RAD52: variants seen among roughly 807,000 people sequenced by gnomAD.
RAD52 encodes RAD52 DNA repair protein, also known as DNA repair protein RAD52 homolog.
A neutral mutation model predicts 55.5 loss-of-function variants in RAD52; 47 were observed. That is an observed-to-expected ratio of 0.85 (90% CI 0.67 to 1.08). RAD52 has a LOEUF of 1.08. Among genes scored for constraint, RAD52 ranks in the 50% least tolerant of loss-of-function variants. The pLI is 0.00. For synonymous variants in RAD52, 184 were observed against 198.9 expected, an observed-to-expected ratio of 0.92 and a Z score of 0.63; for missense variants, 468 against 522.8, an observed-to-expected ratio of 0.90 and a Z score of 1.02.
At chr12:966,102 G>T (rs1272203113) in intron 1 of RAD52, among the ~76,000 whole-genome samples, 1 of 151,940 alleles carries the variant, frequency 6.6e-6, no homozygotes, top group Non-Finnish European at 1.5e-5. Context: ...TCAGCCTCTG[G>T]ACGGGCATGT....
At chr12:930,290 G>A (rs962087089) in intron 3 of RAD52, 146 bp from the exon 4 acceptor site, 3 of 690,410 alleles carry the variant, frequency 4.3e-6, no homozygotes, top group East Asian at 2.7e-5. Flanking sequence ...GAGGTGGGAG[G>A]ATCACTTGAG....
chr12:947,205 A>G (rs2154119010), intron 1 of RAD52, among the ~76,000 whole-genome samples: 1 of 152,142 alleles, frequency 6.6e-6, no homozygotes. Flanking sequence ...GCACACCTGT[A>G]ATCCCAGCTA....
Position 916,740 on chromosome 12 carries a change from G to T in RAD52, c.624C>A (p.Cys208Ter). Residue 208 changes from cysteine to a stop codon, truncating the protein, a stop_gained, in exon 8 of 12, where the codon TGC becomes TGA. Coordinates refer to ENST00000358495, the MANE Select transcript of RAD52 (RefSeq NM_134424.4). LOFTEE classifies it high-confidence loss of function. ...GGTGTCCCAGGGCCATGTTCGGTCG[G>T]CAGCTGTTGTATCTTGCCTCCTCCA... is the stretch of plus-strand genomic sequence containing the variant. ...PSVEEARYNS[C>*]RPNMALGHPQ... 6.2e-7 allele frequency: 1 copy of T among 1,614,194 alleles called. No homozygotes were observed. The highest frequency in any genetic ancestry group is 8.5e-7 in the Non-Finnish European group (1 of 1,180,030).
At chr12:953,689 T>G (rs1212097665), upstream of RAD52, among the ~76,000 whole-genome samples, 6 of 152,236 alleles carry the variant, frequency 3.9e-5, no homozygotes, top group Admixed American at 1.3e-4. Flanking sequence ...CACCCAGTTG[T>G]GGTAATTTGT....
chr12:944,753 T>C (rs1237911177), intron 1 of RAD52, among the ~76,000 whole-genome samples: 4 of 137,092 alleles, frequency 2.9e-5, no homozygotes, highest in African/African-American at 1.1e-4. Context: ...CCTTATCACC[T>C]AAAAGCATTT....
At chr12:967,866 G>T (rs1344126394) in intron 1 of RAD52, among the ~76,000 whole-genome samples, 1 of 152,018 alleles carries the variant, frequency 6.6e-6, no homozygotes, top group Non-Finnish European at 1.5e-5. Context: ...AGCCCAGGAG[G>T]GGGAGGTTGC....
chr12:954,449 T>G (rs1245394245), upstream of RAD52, among the ~76,000 whole-genome samples: 1 of 152,072 alleles, frequency 6.6e-6, no homozygotes, highest in Non-Finnish European at 1.5e-5. Context: ...CTGGCCAACA[T>G]GACAAAACCC....
At chr12:955,466 TTC>T (rs1958591555) in intron 1 of RAD52, among the ~76,000 whole-genome samples, 1 of 47,616 alleles carries the variant, frequency 2.1e-5, no homozygotes. Flanking sequence ...CGTACTGTTC[TTC>T]TTCTTCTTTC....
rs1957085838 is a variant in RAD52 at position 927,230 on chromosome 12, C to T, written c.382G>A (p.Val128Ile). 1.2e-6 allele frequency: 2 copies of T among 1,614,038 alleles called. No individual in the cohort carries two copies. Among genetic ancestry groups the T allele is most frequent in the South Asian group, 1.1e-5 (1 of 91,090 alleles). The change falls in exon 6 of 12, where the codon GTT (valine) becomes ATT (isoleucine). Residue 128 changes from valine to isoleucine, a missense_variant. By Grantham distance (29) the Val-to-Ile change is conservative (BLOSUM62 3). Coordinates refer to ENST00000358495, the MANE Select transcript of RAD52 (RefSeq NM_134424.4). ...GSYHEDVGYGVSEGLKSKALS... is the reference protein window; with the variant it reads ...GSYHEDVGYGISEGLKSKALS... The stretch of plus-strand genomic sequence containing the variant: ...GCCTTGGACTTGAGGCCCTCACTAA[C>T]ACCATAACCAACATCTTCATGATAT...
intron 1 of RAD52, among the ~76,000 whole-genome samples, chr12:944,418 TGGGA>T (rs1360148483): frequency 6.6e-6 from 1 of 150,550 alleles, no homozygotes; most frequent in African/African-American, 2.4e-5. Context: ...GAAGCTGTGG[TGGGA>T]GGATCACTTG....
At chr12:925,107 C>A (rs930317960) in intron 7 of RAD52, among the ~76,000 whole-genome samples, 4 of 151,942 alleles carry the variant, frequency 2.6e-5, no homozygotes, top group Admixed American at 6.6e-5. Context: ...CCCACCACCT[C>A]GCCCGGCTAA....
intron 1 of RAD52, among the ~76,000 whole-genome samples, chr12:938,546 T>C (rs1471151089): frequency 6.6e-6 from 1 of 152,106 alleles, no homozygotes; most frequent in African/African-American, 2.4e-5. Context: ...TAGCTGGGCA[T>C]GGTGGCACAC....
Position 914,535 on chromosome 12 carries a change from A to G in RAD52, c.866-3T>C, listed in dbSNP as rs1219927456. On this transcript the variant is annotated splice_polypyrimidine_tract_variant and splice_region_variant and intron_variant, in intron 9 of 11. Coordinates refer to ENST00000358495, the MANE Select transcript of RAD52 (RefSeq NM_134424.4). ...CACAGGAGGGGCCGGAGGCGCTGCT[A>G]CGGTTCACAGAGGAGAGAAAGGACA... The G allele has an allele frequency of 6.2e-7, 1 of 1,613,240 alleles. No individual in the cohort carries two copies. Among genetic ancestry groups the G allele is most frequent in the Admixed American group, 1.7e-5 (1 of 59,984 alleles).
Position 960,142 on chromosome 12 carries a change from A to T in RAD52, c.-18-27066T>A, listed in dbSNP as rs181455682. 9.3e-4 allele frequency among the ~76,000 whole-genome samples: 142 copies of T among 152,312 alleles called. 1 individual carries two copies. Among genetic ancestry groups the T allele is most frequent in the African/African-American group, 3.2e-3 (131 of 41,568 alleles). ...CACTTTCGAGATTTCAAGCAGGGAAATGCCCTGATCTGAATAGAAACATCA... is the reference window on the plus strand; with the variant it reads ...CACTTTCGAGATTTCAAGCAGGGAATTGCCCTGATCTGAATAGAAACATCA... On this transcript the variant is annotated intron_variant, in intron 1 of 11. Coordinates refer to the RAD52 transcript ENST00000430095.
intron 5 of RAD52, 169 bp downstream of exon 5, chr12:929,650 T>G: frequency 1.3e-6 from 1 of 794,230 alleles, no homozygotes; most frequent in Non-Finnish European, 2.3e-6. Flanking sequence ...TTCCATTCTT[T>G]TAGGGAGCAC....
At chr12:980,406 G>A (rs1302064158) in intron 1 of RAD52, among the ~76,000 whole-genome samples, 2 of 150,182 alleles carry the variant, frequency 1.3e-5, no homozygotes, top group Non-Finnish European at 3.0e-5. Context: ...CTATTCTCCT[G>A]CCTCAGCCTC....
chr12:932,306 C>A (rs1026977843), intron 2 of RAD52, among the ~76,000 whole-genome samples: 1 of 152,234 alleles, frequency 6.6e-6, no homozygotes, highest in Admixed American at 6.5e-5. Context: ...ACCAGCCTGG[C>A]CAACATGGTT....
intron 1 of RAD52, among the ~76,000 whole-genome samples, chr12:947,673 G>C (rs1186000127): frequency 6.6e-6 from 1 of 150,464 alleles, no homozygotes; most frequent in East Asian, 1.9e-4. Flanking sequence ...GATCACCTGA[G>C]GTCAGGAGTT....
chr12:975,259 G>A (rs1342713339), intron 1 of RAD52: 8 of 151,492 alleles, frequency 5.3e-5, no homozygotes, highest in Non-Finnish European at 1.2e-4. Flanking sequence ...AAGATGAGAG[G>A]GGACTACTGT....
Sources: gnomAD v4.1 joint callset for allele counts (sites outside exome capture counted in the v4.1 genomes callset) on GRCh38, gnomAD v4.1.1 for gene constraint, MANE v1.5 for transcripts, NCBI Gene and HGNC (gene_info 2026-07-23, HGNC 2026-07-21) for gene names.